Variants in PCNX2 observed in about 807,000 individuals in gnomAD.
The protein encoded by PCNX2 is pecanex 2, also known as pecanex-like protein 2.
In PCNX2, 168 loss-of-function variants were observed where a neutral mutation model predicts 223.8. The observed-to-expected ratio is 0.75, with a 90% confidence interval of 0.66 to 0.85. PCNX2 has a LOEUF of 0.85. Ranked by LOEUF, PCNX2 falls within the 40% of genes least tolerant of loss-of-function variation. The pLI is 0.00. For synonymous variants in PCNX2, 1,006 were observed against 1,052.6 expected (o/e 0.96, Z 0.86); for missense variants, 2,507 against 2,675.5 (o/e 0.94, Z 1.39).
rs1389158735 is a variant in PCNX2, at chr1:233,259,097, C to G, written c.765G>C (p.Lys255Asn). The change falls in exon 5 of 34, where the codon AAG becomes AAC. Residue 255 changes from lysine (K) to asparagine (N), a missense_variant. Coordinates refer to ENST00000258229, the MANE Select transcript of PCNX2 (RefSeq NM_014801.4). ...GGLVDKGPLK[K>N]LPHLSLSQYD... The stretch of plus-strand genomic sequence containing the variant: ...ACTGAGACAAAGACAGGTGGGGCAA[C>G]TTCTTCAAGGGTCCCTTATCCACTA... The G allele has an allele frequency of 6.3e-5, 101 of 1,613,844 alleles. No homozygotes were observed. The highest frequency in any genetic ancestry group is 8.6e-5 in the Non-Finnish European group (101 of 1,179,902).
intron 1 of PCNX2, among the ~76,000 whole-genome samples, chr1:233,276,293 G>C (rs1397104509): frequency 1.3e-5 from 2 of 152,156 alleles, no homozygotes; most frequent in African/African-American, 4.8e-5. Flanking sequence ...ACAAAAAGTA[G>C]AATGGTGGTT....
chr1:233,083,220 T>G lies in PCNX2; in HGVS notation c.4076+6841A>C, dbSNP rs111974980. 1.8e-3 allele frequency among the ~76,000 whole-genome samples: 278 copies of G among 152,248 alleles called. 2 individuals carry two copies. Among genetic ancestry groups the G allele is most frequent in the Middle Eastern group, 6.8e-3 (2 of 294 alleles). On this transcript the variant is annotated intron_variant, in intron 23 of 33. Transcript: ENST00000258229. Reference sequence around the variant, plus strand: ...AGGGGCAATCCACTGAACATCTAGATGAGGCCGACTAGGATTTCCAAGGTC... The same window carrying G: ...AGGGGCAATCCACTGAACATCTAGAGGAGGCCGACTAGGATTTCCAAGGTC...
At chr1:233,023,468 A>G (rs945419569) in intron 26 of PCNX2, among the ~76,000 whole-genome samples, 4 of 152,158 alleles carry the variant, frequency 2.6e-5, no homozygotes, top group African/African-American at 7.2e-5. Context: ...CCTTTCCTCT[A>G]TCCCTTTAAG....
chr1:233,321,956 G>A, the PCNX2 span, among the ~76,000 whole-genome samples: 5 of 152,110 alleles, frequency 3.3e-5, no homozygotes, highest in Non-Finnish European at 4.4e-5. Context: ...AAGATCTCAG[G>A]GGTCTCTCAG....
intron 15 of PCNX2, among the ~76,000 whole-genome samples, chr1:233,180,578 C>A (rs969548109): frequency 5.9e-5 from 9 of 152,048 alleles, no homozygotes; most frequent in South Asian, 4.1e-4. Flanking sequence ...ATGAATGAGT[C>A]AAGTGTGCTT....
the PCNX2 span, among the ~76,000 whole-genome samples, chr1:233,318,090 T>A: frequency 6.6e-6 from 1 of 152,214 alleles, no homozygotes; most frequent in Non-Finnish European, 1.5e-5. Context: ...ATTTCCAAAG[T>A]TTCAGGATAC....
At chr1:233,248,932 G>A (rs1321290147) in intron 8 of PCNX2, among the ~76,000 whole-genome samples, 1 of 152,188 alleles carries the variant, frequency 6.6e-6, no homozygotes, top group Non-Finnish European at 1.5e-5. Flanking sequence ...CTGTGGAAAT[G>A]GAAGGCAGGT....
chr1:233,047,387 C>T (rs1671858387), intron 25 of PCNX2: 13 of 985,200 alleles, frequency 1.3e-5, no homozygotes, highest in Non-Finnish European at 1.6e-5. Flanking sequence ...TTAACTTGGA[C>T]CCTTTAAACT....
chr1:233,324,010 GA>G, the PCNX2 span, among the ~76,000 whole-genome samples: 1 of 152,184 alleles, frequency 6.6e-6, no homozygotes, highest in East Asian at 1.9e-4. Context: ...TGAATGATAA[GA>G]AAGACAAACA....
At chr1:233,154,784 C>G (rs1678014963) in intron 19 of PCNX2, among the ~76,000 whole-genome samples, 1 of 152,048 alleles carries the variant, frequency 6.6e-6, no homozygotes, top group African/African-American at 2.4e-5. Context: ...GAGAAAGAGT[C>G]TTGGCCAGGC....
At chr1:233,089,089 C>T (rs966086753) in intron 23 of PCNX2, among the ~76,000 whole-genome samples, 7 of 152,110 alleles carry the variant, frequency 4.6e-5, no homozygotes, top group Non-Finnish European at 7.3e-5. Flanking sequence ...AACCATCTCT[C>T]GGGAGACACA....
chr1:233,052,952 C>CA (rs988099805), intron 25 of PCNX2, among the ~76,000 whole-genome samples: 2 of 151,844 alleles, frequency 1.3e-5, no homozygotes, highest in African/African-American at 4.8e-5. Flanking sequence ...TTCCACCTCC[C>CA]AGTCTCTGGG....
chr1:233,138,513 C>G (rs1225936381), intron 20 of PCNX2, among the ~76,000 whole-genome samples: 1 of 152,176 alleles, frequency 6.6e-6, no homozygotes, highest in African/African-American at 2.4e-5. Flanking sequence ...ACCTTGTTCT[C>G]AGGGGGAGTT....
chr1:233,126,431 C>T lies in PCNX2; in HGVS notation c.3837+8582G>A, dbSNP rs1384070653. Among the ~76,000 whole-genome samples the T allele has an allele frequency of 6.6e-6, 1 of 151,500 alleles. No homozygotes were observed. Among genetic ancestry groups the T allele is most frequent in the East Asian group, 1.9e-4 (1 of 5,190 alleles). On this transcript the variant is annotated intron_variant, in intron 21 of 33. Transcript: ENST00000258229. This position sits in a 1 kb window ranked among gnomAD's most constrained non-coding sequence, Gnocchi z 4.8. ...GCACTGTCATGGAAAAGTCTTCTAA[C>T]ACATATTTTAAGCAAAAATGGAGGT...
chr1:233,274,542 A>G (rs1165721432), intron 1 of PCNX2, among the ~76,000 whole-genome samples: 1 of 152,228 alleles, frequency 6.6e-6, no homozygotes, highest in Non-Finnish European at 1.5e-5. Flanking sequence ...GTCAAGCATG[A>G]GAGTAGATGT....
intron 28 of PCNX2, among the ~76,000 whole-genome samples, chr1:233,013,928 T>C (rs1191293338): frequency 6.6e-6 from 1 of 152,118 alleles, no homozygotes; most frequent in Non-Finnish European, 1.5e-5. Context: ...GATTCCACTT[T>C]GTGGGCAGAC....
intron 23 of PCNX2, among the ~76,000 whole-genome samples, chr1:233,089,358 C>T (rs899715023): frequency 1.3e-5 from 2 of 152,164 alleles, no homozygotes; most frequent in African/African-American, 4.8e-5. Flanking sequence ...TCTGTCCCAG[C>T]TGAAGACCTC....
the PCNX2 span, among the ~76,000 whole-genome samples, chr1:233,308,765 T>C: frequency 2.6e-5 from 4 of 152,150 alleles, no homozygotes. Context: ...ACTATAATCC[T>C]TCCAAATTTT....
intron 17 of PCNX2, among the ~76,000 whole-genome samples, chr1:233,162,728 T>C (rs1215401320): frequency 1.3e-5 from 2 of 152,206 alleles, no homozygotes; most frequent in African/African-American, 4.8e-5. Context: ...CTTTTGGCTG[T>C]GGGGAGATGT....
Sources: allele counts gnomAD v4.1 joint callset (sites outside exome capture counted in the v4.1 genomes callset), GRCh38; gene constraint gnomAD v4.1.1; non-coding constraint Gnocchi (gnomAD v3.1); transcripts MANE v1.5; gene names NCBI Gene and HGNC (gene_info 2026-07-23, HGNC 2026-07-21).